The following ANTXR2 variants were observed in gnomAD, a reference collection of about 807,000 sequenced individuals.
The protein encoded by ANTXR2 is anthrax toxin receptor 2.
Under a neutral mutation model 73.7 loss-of-function variants are expected in ANTXR2, and 44 were observed. That is an observed-to-expected ratio of 0.60 (90% CI 0.47 to 0.77). The LOEUF is 0.77. Among genes scored for constraint, ANTXR2 ranks in the 30% least tolerant of loss-of-function variants. The pLI is 0.00. For missense variants in ANTXR2, 604 were observed against 592.5 expected (o/e 1.02, Z -0.20); for synonymous variants, 217 against 205.9 (o/e 1.05, Z -0.46).
Position 79,972,928 on chromosome 4 carries a change from A to AAAAAAAAAAAAG in ANTXR2, c.1428+4681_1428+4692dup, listed in dbSNP as rs1553929157. 4.6e-4 allele frequency among the ~76,000 whole-genome samples: 7 copies of AAAAAAAAAAAAG among 15,380 alleles called. 1 individual carries two copies. Among genetic ancestry groups the AAAAAAAAAAAAG allele is most frequent in the Non-Finnish European group, 1.5e-3 (6 of 4,010 alleles). 10.1% of individuals were successfully genotyped at this position (15,380 alleles called of 152,430 possible). A position where few individuals can be genotyped will look rare whatever the true frequency, so the allele number is the denominator to read the frequency against. Reference sequence around the variant, plus strand: ...TAAAACTTAGAGTATAATAAAAAAAAAAAAAAAAAAAGAATAGGGCGTCCG... The same window carrying AAAAAAAAAAAAG: ...TAAAACTTAGAGTATAATAAAAAAAAAAAAAAAAAAAGAAAAAAAAAAAGAATAGGGCGTCCG... On this transcript the variant is annotated intron_variant, in intron 16 of 16. Coordinates refer to ENST00000403729, the MANE Select transcript of ANTXR2 (RefSeq NM_058172.6).
In ANTXR2 at chr4:79,907,242, C is replaced by T; in HGVS notation, c.*187G>A. 1 of 647,950 alleles carries T rather than the reference C, an allele frequency of 1.5e-6. No homozygotes were observed. Among genetic ancestry groups the T allele is most frequent in the Non-Finnish European group, 2.7e-6 (1 of 373,022 alleles). The allele number at this position is 647,950 out of a possible 1,614,324, so 40.1% of individuals were successfully genotyped here. On this transcript the variant is annotated 3_prime_UTR_variant, in exon 17 of 17. Transcript: ENST00000403729. ...GTTTCATCACCTCCCATGTAGATGGCAGAACAAGTGTTTAGAAATGTTTGG... is the reference window on the plus strand; with the variant it reads ...GTTTCATCACCTCCCATGTAGATGGTAGAACAAGTGTTTAGAAATGTTTGG...
At chr4:80,033,887 C>A (rs1732825280) in intron 8 of ANTXR2, among the ~76,000 whole-genome samples, 1 of 152,004 alleles carries the variant, frequency 6.6e-6, no homozygotes, top group Admixed American at 6.6e-5. Context: ...CTATACAAAC[C>A]TCCTCAACTT....
rs1161116142 is a variant in ANTXR2 at position 79,984,845 on chromosome 4, G to C, written c.1060C>G (p.Pro354Ala). Residue 354 changes from proline (P) to alanine (A), a missense_variant, in exon 13 of 17, where the codon CCA (proline) becomes GCA (alanine). Transcript: ENST00000403729. Reference protein sequence around the residue: ...CCKVVIKDPPPPPAPAPKEEE... With the variant: ...CCKVVIKDPPAPPAPAPKEEE... The stretch of plus-strand genomic sequence containing the variant: ...TCTTTTGGTGCAGGGGCGGGTGGTG[G>C]TGGAGGATCCTTAATAACCTGTCAA... 1.2e-6 allele frequency: 2 copies of C among 1,607,474 alleles called. No homozygotes were observed. The highest frequency in any genetic ancestry group is 2.2e-5 in the South Asian group (2 of 89,746).
chr4:79,962,173 G>A (rs888743052), intron 16 of ANTXR2, among the ~76,000 whole-genome samples: 4 of 152,052 alleles, frequency 2.6e-5, no homozygotes, highest in African/African-American at 9.7e-5. Context: ...TCTATTTCAT[G>A]AATTTGTTAT....
chr4:79,984,886 A>T, intron 12 of ANTXR2, 23 bp from the exon 13 acceptor site: 1 of 1,565,992 alleles, frequency 6.4e-7, no homozygotes, highest in Non-Finnish European at 8.7e-7. Context: ...ATCAAATATA[A>T]AAATTTCTAT....
At chr4:79,920,207 G>A (rs190042683) in intron 16 of ANTXR2, among the ~76,000 whole-genome samples, 9 of 151,810 alleles carry the variant, frequency 5.9e-5, no homozygotes, top group Admixed American at 1.3e-4. Flanking sequence ...ACAAATCTAG[G>A]ACTCCTTAGA....
chr4:80,069,481 A>G lies in ANTXR2; in HGVS notation c.251T>C (p.Val84Ala). The change falls in exon 3 of 17, where the codon GTG becomes GCG. Residue 84 changes from valine (V) to alanine (A), a missense_variant. Coordinates refer to ENST00000403729, the MANE Select transcript of ANTXR2 (RefSeq NM_058172.6). ...AATAATAGTTGCTTGAGAAGAAAAC[A>G]CAATGAAAGATAATCTCATTTCAGG... ...VSPEMRLSFIVFSSQATIILP... is the reference protein window; with the variant it reads ...VSPEMRLSFIAFSSQATIILP... 1 of 1,605,084 alleles carries G rather than the reference A, an allele frequency of 6.2e-7. No individual in the cohort carries two copies. Among genetic ancestry groups the G allele is most frequent in the Non-Finnish European group, 8.5e-7 (1 of 1,174,672 alleles).
rs1183724832 is a variant in ANTXR2, at chr4:79,961,050, A to T, written c.1428+16571T>A. Among the ~76,000 whole-genome samples the T allele has an allele frequency of 2.6e-5, 4 of 152,192 alleles. No homozygotes were observed. In the South Asian group the frequency reaches 6.2e-4, roughly 24 times the overall value. On this transcript the variant is annotated intron_variant, in intron 16 of 16. Transcript: ENST00000403729. ...ATAAATGGGGTTCTGGTAGACACAA[A>T]GGCACCATCATAATGCATTCTATTT...
intron 3 of ANTXR2, among the ~76,000 whole-genome samples, chr4:80,065,465 T>C (rs1734452010): frequency 6.6e-6 from 1 of 151,978 alleles, no homozygotes; most frequent in African/African-American, 2.4e-5. Flanking sequence ...GATAAGCAAG[T>C]CTTTAGGTAG....
chr4:79,947,480 C>T (rs1728560068), intron 16 of ANTXR2, among the ~76,000 whole-genome samples: 1 of 152,040 alleles, frequency 6.6e-6, no homozygotes, highest in South Asian at 2.1e-4. Context: ...TTTATTTTGC[C>T]CCAGCAGAAC....
intron 16 of ANTXR2, among the ~76,000 whole-genome samples, chr4:79,931,663 AG>A (rs1728064264): frequency 6.6e-6 from 1 of 152,192 alleles, no homozygotes; most frequent in African/African-American, 2.4e-5. Flanking sequence ...ACTTACAGGA[AG>A]TCTGTGATTG....
intron 12 of ANTXR2, among the ~76,000 whole-genome samples, chr4:79,995,754 T>G (rs993898567): frequency 5.3e-5 from 8 of 152,128 alleles, no homozygotes; most frequent in African/African-American, 1.9e-4. Flanking sequence ...GAATAATTCA[T>G]GACTTATTAT....
intron 16 of ANTXR2, among the ~76,000 whole-genome samples, chr4:79,949,106 T>C (rs1213717480): frequency 6.6e-6 from 1 of 152,110 alleles, no homozygotes; most frequent in Admixed American, 6.6e-5. Flanking sequence ...CCTTTTAATA[T>C]GAGTGGCAGA....
At chr4:79,937,142 T>C (rs1290337106) in intron 16 of ANTXR2, among the ~76,000 whole-genome samples, 3 of 152,136 alleles carry the variant, frequency 2.0e-5, no homozygotes, top group African/African-American at 7.2e-5. Flanking sequence ...CAGTTATAAA[T>C]AGGACTCATT....
At chr4:80,008,638 A>G in intron 11 of ANTXR2, 22 bp from the exon 12 acceptor site, 1 of 1,531,090 alleles carries the variant, frequency 6.5e-7, no homozygotes, top group Non-Finnish European at 8.9e-7. Flanking sequence ...AAAAAGCAAA[A>G]ACAAAGCAGT....
intron 16 of ANTXR2, among the ~76,000 whole-genome samples, chr4:79,959,027 C>A (rs548194977): frequency 7.2e-4 from 109 of 151,086 alleles, no homozygotes; most frequent in African/African-American, 2.5e-3. Context: ...AAATAAAGAT[C>A]AAATGTTTTT....
At chr4:80,000,354 C>T (rs1171386511) in intron 12 of ANTXR2, among the ~76,000 whole-genome samples, 2 of 152,006 alleles carry the variant, frequency 1.3e-5, no homozygotes, top group Non-Finnish European at 2.9e-5. Flanking sequence ...CCATAATTGA[C>T]AGAATTTTTT....
chr4:80,002,141 G>A lies in ANTXR2; in HGVS notation c.1041+6380C>T, dbSNP rs183779803. ...AAAAGAACAAAGCTGGAGGCATCAC[G>A]CTACCTGACTTCAAACTATACTACA... On this transcript the variant is annotated intron_variant, in intron 12 of 16. Transcript: ENST00000403729. Among the ~76,000 whole-genome samples, 790 of 152,130 alleles carry A rather than the reference G, an allele frequency of 5.2e-3. 12 individuals are homozygous for A. Among genetic ancestry groups the A allele is most frequent in the African/African-American group, 0.016 (668 of 41,496 alleles).
chr4:79,980,634 C>T (rs1729845766), intron 14 of ANTXR2, among the ~76,000 whole-genome samples: 1 of 151,994 alleles, frequency 6.6e-6, no homozygotes, highest in African/African-American at 2.4e-5. Context: ...AGAAAAGAAA[C>T]AAAAACAGTT....
Sources: gnomAD v4.1 joint callset for allele counts (sites outside exome capture counted in the v4.1 genomes callset) on GRCh38, gnomAD v4.1.1 for gene constraint, MANE v1.5 for transcripts, NCBI Gene and HGNC (gene_info 2026-07-23, HGNC 2026-07-21) for gene names.